The following DIAPH2 variants were observed in gnomAD, a reference collection of about 807,000 sequenced individuals.
DIAPH2 encodes diaphanous related formin 2, also known as protein diaphanous homolog 2.
DIAPH2 carries 35 observed loss-of-function variants against 92.7 expected under a neutral mutation model. The observed-to-expected ratio is 0.38, with a 90% CI of 0.29 to 0.50. The LOEUF (loss-of-function observed/expected upper bound fraction) is 0.50. Ranked by LOEUF, DIAPH2 falls within the 20% of genes least tolerant of loss-of-function variation. The pLI is 0.94. For missense variants in DIAPH2, 701 were observed against 819.5 expected (o/e 0.86, Z 1.77); for synonymous variants, 301 against 280.4 (o/e 1.07, Z -0.73).
chrX:97,270,958 C>T (rs944801883), intron 23 of DIAPH2, among the ~76,000 whole-genome samples: 9 of 110,869 alleles, frequency 8.1e-5, no homozygotes, highest in Non-Finnish European at 1.7e-4. Flanking sequence ...TGCTAGCAAT[C>T]GCAGAGAAAA....
At chrX:97,416,868 C>T (rs2069952046) in intron 25 of DIAPH2, among the ~76,000 whole-genome samples, 1 of 112,334 alleles carries the variant, frequency 8.9e-6, no homozygotes, top group Non-Finnish European at 1.9e-5. Flanking sequence ...CCCTCTTTTC[C>T]TTCTCCTTCT....
chrX:96,700,101 C>T (rs777500447), intron 1 of DIAPH2, among the ~76,000 whole-genome samples: 1 of 112,069 alleles, frequency 8.9e-6, no homozygotes, highest in East Asian at 2.8e-4. Flanking sequence ...CTCGACCTCC[C>T]TGGCTCAAGC....
At chrX:97,022,159 A>G (rs185479768) in intron 17 of DIAPH2, among the ~76,000 whole-genome samples, 3 of 112,230 alleles carry the variant, frequency 2.7e-5, no homozygotes, top group East Asian at 5.6e-4. Context: ...AAGCAAGTCA[A>G]TTTACTTCTC....
rs777192692 is a variant in DIAPH2, at chrX:97,163,410, G to A, written c.2719+21616G>A. On this transcript the variant is annotated intron_variant, in intron 22 of 26. Transcript: ENST00000324765. The stretch of plus-strand genomic sequence containing the variant: ...TTGCCATCTTGCCCAGGCTAGTCTC[G>A]AACTTCTGGGATCAAGCAAACTGCC... Among the ~76,000 whole-genome samples, 11 of 110,908 alleles carry A rather than the reference G, an allele frequency of 9.9e-5. No individual in the cohort carries two copies. In the South Asian group the frequency reaches 2.7e-3, roughly 28 times the overall value.
At chrX:97,009,208 C>A (rs987563123) in intron 17 of DIAPH2, among the ~76,000 whole-genome samples, 2 of 111,164 alleles carry the variant, frequency 1.8e-5, no homozygotes, top group Non-Finnish European at 3.8e-5. Context: ...GCCATCACCA[C>A]CCCAGGCCTG....
At chrX:96,904,750 G>T (rs761896794) in intron 5 of DIAPH2, among the ~76,000 whole-genome samples, 2 of 110,445 alleles carry the variant, frequency 1.8e-5, no homozygotes, top group Non-Finnish European at 3.8e-5. Context: ...ACTAAAATTT[G>T]GTTTTAGTTG....
chrX:97,542,947 C>T (rs189588817), intron 26 of DIAPH2, among the ~76,000 whole-genome samples: 10 of 111,964 alleles, frequency 8.9e-5, no homozygotes, highest in East Asian at 2.8e-4. Context: ...AGAAAGAATG[C>T]GGGGCTCAAT....
intron 23 of DIAPH2, among the ~76,000 whole-genome samples, chrX:97,298,938 G>C (rs748062569): frequency 9.0e-6 from 1 of 111,655 alleles, no homozygotes; most frequent in Non-Finnish European, 1.9e-5. Flanking sequence ...TTTCTTACCT[G>C]TGTGAGTTTA....
chrX:97,356,260 C>G (rs942911295), intron 24 of DIAPH2, among the ~76,000 whole-genome samples: 2 of 111,601 alleles, frequency 1.8e-5, no homozygotes, highest in South Asian at 3.7e-4. Context: ...CCCTCCTTCT[C>G]CCCTTTTGTT....
intron 20 of DIAPH2, among the ~76,000 whole-genome samples, chrX:97,114,377 A>G (rs2067003314): frequency 8.9e-6 from 1 of 111,735 alleles, no homozygotes; most frequent in Non-Finnish European, 1.9e-5. Context: ...ACTCAATTTC[A>G]TGTTTATAAA....
intron 22 of DIAPH2, among the ~76,000 whole-genome samples, chrX:97,191,355 T>C (rs1602405506): frequency 9.4e-6 from 1 of 106,824 alleles, no homozygotes; most frequent in Non-Finnish European, 1.9e-5. Flanking sequence ...AAAAGAAAAA[T>C]GTATTGCTTC....
intron 26 of DIAPH2, among the ~76,000 whole-genome samples, chrX:97,478,540 G>T (rs924226027): frequency 1.8e-5 from 2 of 111,821 alleles, no homozygotes; most frequent in African/African-American, 6.5e-5. Flanking sequence ...ATTATGTAAA[G>T]AATATTTTGA....
chrX:97,004,268 C>T (rs747661948), intron 17 of DIAPH2, among the ~76,000 whole-genome samples: 26 of 111,056 alleles, frequency 2.3e-4, no homozygotes, highest in Non-Finnish European at 4.2e-4. Flanking sequence ...TTTGGCTATT[C>T]TCAGTCTTTT....
intron 21 of DIAPH2, among the ~76,000 whole-genome samples, chrX:97,140,423 A>T (rs2067202114): frequency 9.0e-6 from 1 of 111,511 alleles, no homozygotes; most frequent in African/African-American, 3.3e-5. Flanking sequence ...ACCTTAAAGT[A>T]CTTAAAAGTG....
intron 26 of DIAPH2, among the ~76,000 whole-genome samples, chrX:97,542,727 G>A (rs1489265535): frequency 9.0e-6 from 1 of 111,366 alleles, no homozygotes; most frequent in Non-Finnish European, 1.9e-5. Flanking sequence ...TTCCCTGACA[G>A]AATTGTGGGT....
intron 1 of DIAPH2, among the ~76,000 whole-genome samples, chrX:96,718,357 T>G (rs1417112943): frequency 1.3e-3 from 91 of 72,742 alleles, no homozygotes; most frequent in Middle Eastern, 6.5e-3. Context: ...TTTTTTTTTT[T>G]TTTTTTTTTT....
intron 16 of DIAPH2, among the ~76,000 whole-genome samples, chrX:96,961,046 T>A (rs1055663788): frequency 2.7e-5 from 3 of 111,449 alleles, no homozygotes; most frequent in Non-Finnish European, 5.7e-5. Context: ...TGGGATATTC[T>A]TTAATTGTTG....
At chrX:97,460,781 A>C (rs145507412) in intron 26 of DIAPH2, among the ~76,000 whole-genome samples, 1,545 of 111,764 alleles carry the variant, frequency 0.014, 31 homozygotes, top group African/African-American at 0.047. Context: ...GGGATAGCTC[A>C]GCAGCCTAGT....
intron 25 of DIAPH2, among the ~76,000 whole-genome samples, chrX:97,399,238 A>G (rs779220728): frequency 1.8e-5 from 2 of 108,593 alleles, no homozygotes; most frequent in Non-Finnish European, 3.9e-5. Context: ...TTGTTGTCAT[A>G]TTTTTGTTGT....
Sources: allele counts gnomAD v4.1 joint callset (sites outside exome capture counted in the v4.1 genomes callset), GRCh38; gene constraint gnomAD v4.1.1; transcripts MANE v1.5; gene names NCBI Gene and HGNC (gene_info 2026-07-23, HGNC 2026-07-21).